Variants in FRMD4A observed in about 807,000 individuals in gnomAD.
FRMD4A encodes the protein FERM domain-containing protein 4A.
In FRMD4A, 29 loss-of-function variants were observed where a neutral mutation model predicts 129.1. The observed-to-expected ratio is 0.22, with a 90% CI of 0.17 to 0.31. The LOEUF (loss-of-function observed/expected upper bound fraction) is 0.31, where lower values mean the gene tolerates loss of function less well. FRMD4A is among the 10% of genes least tolerant of loss of function. The pLI is 1.00. For synonymous variants in FRMD4A, 634 were observed against 571.6 expected, an observed-to-expected ratio of 1.11 and a Z score of -1.56; for missense variants, 1,272 against 1,375.8, an observed-to-expected ratio of 0.92 and a Z score of 1.19.
At position 13,656,514 on chromosome 10, in the gene FRMD4A, A is replaced by T. The variant is rs536326672; in HGVS notation, c.2953+122T>A. The stretch of plus-strand genomic sequence containing the variant: ...TCTAACAGCAGCGTTCCCAGAATTA[A>T]TTAATGATTCCCGTTCCTCACTGCA... On this transcript the variant is annotated intron_variant, in intron 22 of 24. Transcript: ENST00000357447. The T allele has an allele frequency of 1.6e-5, 19 of 1,164,114 alleles. No individual in the cohort carries two copies. The South Asian group carries it at 6.3e-4, about 38-fold the overall frequency. 72.1% of individuals were successfully genotyped at this position (1,164,114 alleles called of 1,614,324 possible). A position where few individuals can be genotyped will look rare whatever the true frequency, so the allele number is the denominator to read the frequency against.
intron 2 of FRMD4A, among the ~76,000 whole-genome samples, chr10:14,200,554 G>A (rs578118817): frequency 6.6e-6 from 1 of 152,320 alleles, no homozygotes; most frequent in South Asian, 2.1e-4. Context: ...AAAGGAAAGA[G>A]AGCTACAGAC....
At chr10:13,713,567 C>G (rs1051983791) in intron 12 of FRMD4A, among the ~76,000 whole-genome samples, 1 of 151,738 alleles carries the variant, frequency 6.6e-6, no homozygotes, top group Non-Finnish European at 1.5e-5. Context: ...TCAGCAAATA[C>G]AAATGAGTTG....
chr10:14,098,742 T>A (rs1310151951), intron 2 of FRMD4A, among the ~76,000 whole-genome samples: 1 of 152,138 alleles, frequency 6.6e-6, no homozygotes, highest in Non-Finnish European at 1.5e-5. Context: ...CAATCTAGTC[T>A]CTTACCCTAG....
At chr10:14,010,374 A>G (rs1344250831) in intron 2 of FRMD4A, among the ~76,000 whole-genome samples, 2 of 152,218 alleles carry the variant, frequency 1.3e-5, no homozygotes, top group Non-Finnish European at 2.9e-5. Context: ...TACATATAGA[A>G]GAGAATGTTA....
At chr10:14,090,718 G>T (rs923441456) in intron 2 of FRMD4A, among the ~76,000 whole-genome samples, 6 of 152,180 alleles carry the variant, frequency 3.9e-5, no homozygotes, top group African/African-American at 1.4e-4. Flanking sequence ...ATACTTCCTA[G>T]CATGGGTTCA....
chr10:14,195,822 A>G (rs983547142), intron 2 of FRMD4A, among the ~76,000 whole-genome samples: 2 of 152,182 alleles, frequency 1.3e-5, no homozygotes, highest in Non-Finnish European at 2.9e-5. Context: ...CAGCTCAGGA[A>G]AGGTTATAGA....
intron 2 of FRMD4A, chr10:14,007,672 A>T (rs188051071): frequency 1.8e-5 from 3 of 167,398 alleles, no homozygotes; most frequent in African/African-American, 7.1e-5. Flanking sequence ...CAGTAGAAGA[A>T]ATTCACAGCC....
At chr10:13,705,577 C>T (rs966326340) in intron 13 of FRMD4A, among the ~76,000 whole-genome samples, 2 of 152,108 alleles carry the variant, frequency 1.3e-5, no homozygotes, top group African/African-American at 4.8e-5. Context: ...AATTTCCCCT[C>T]TCTTACATGC....
intron 2 of FRMD4A, among the ~76,000 whole-genome samples, chr10:14,027,077 C>T (rs1334993808): frequency 6.6e-6 from 1 of 152,242 alleles, no homozygotes; most frequent in African/African-American, 2.4e-5. Flanking sequence ...TCCATCCCCT[C>T]AAGCATTTAT....
intron 2 of FRMD4A, among the ~76,000 whole-genome samples, chr10:14,100,878 T>C (rs1259708323): frequency 2.6e-5 from 4 of 152,178 alleles, no homozygotes; most frequent in Non-Finnish European, 4.4e-5. Flanking sequence ...ACTAGAAGTT[T>C]TGAGTGTTAG....
At chr10:14,010,388 G>A (rs528890471) in intron 2 of FRMD4A, among the ~76,000 whole-genome samples, 109 of 152,238 alleles carry the variant, frequency 7.2e-4, no homozygotes, top group Admixed American at 1.3e-3. Flanking sequence ...AATGTTAATG[G>A]TAACAAAAAT....
intron 12 of FRMD4A, among the ~76,000 whole-genome samples, chr10:13,730,675 G>A (rs1207179828): frequency 6.6e-6 from 1 of 151,928 alleles, no homozygotes; most frequent in Admixed American, 6.6e-5. Flanking sequence ...TGCTAAAATG[G>A]AATGTGGTAA....
At chr10:13,683,687 C>T (rs901928605) in intron 15 of FRMD4A, among the ~76,000 whole-genome samples, 4 of 151,038 alleles carry the variant, frequency 2.6e-5, no homozygotes, top group Non-Finnish European at 5.9e-5. Flanking sequence ...GGGTAATTAA[C>T]GTGAATTGTA....
chr10:13,959,296 ACC>A (rs2095430743), intron 2 of FRMD4A, among the ~76,000 whole-genome samples: 1 of 151,800 alleles, frequency 6.6e-6, no homozygotes, highest in Non-Finnish European at 1.5e-5. Context: ...ATATGGTGAA[ACC>A]CTATCTCTAC....
At chr10:14,174,992 G>T (rs1223817982) in intron 2 of FRMD4A, among the ~76,000 whole-genome samples, 1 of 151,814 alleles carries the variant, frequency 6.6e-6, no homozygotes, top group Admixed American at 6.6e-5. Flanking sequence ...AGCATTGCTG[G>T]TCACTTGGAA....
At chr10:13,892,426 T>C (rs1026963445) in intron 2 of FRMD4A, among the ~76,000 whole-genome samples, 27 of 152,118 alleles carry the variant, frequency 1.8e-4, no homozygotes, top group Admixed American at 3.3e-4. Flanking sequence ...GAGACTTCCA[T>C]TGCGAGAGAC....
chr10:14,040,258 A>G (rs112765899), intron 2 of FRMD4A, among the ~76,000 whole-genome samples: 52 of 152,096 alleles, frequency 3.4e-4, no homozygotes, highest in African/African-American at 1.2e-3. Flanking sequence ...AATTTTTGTG[A>G]ACAGTCACTT....
At chr10:14,260,493 A>G (rs560212786) in intron 2 of FRMD4A, among the ~76,000 whole-genome samples, 1 of 152,350 alleles carries the variant, frequency 6.6e-6, no homozygotes, top group East Asian at 1.9e-4. Context: ...TCAAAGGCAT[A>G]TAAGTCATCC....
At chr10:14,243,738 T>C (rs1168595098) in intron 2 of FRMD4A, among the ~76,000 whole-genome samples, 1 of 152,028 alleles carries the variant, frequency 6.6e-6, no homozygotes, top group Non-Finnish European at 1.5e-5. Context: ...GAGATGGTGG[T>C]TGCACAACTA....
Sources: gnomAD v4.1 joint callset for allele counts (sites outside exome capture counted in the v4.1 genomes callset) on GRCh38, gnomAD v4.1.1 for gene constraint, MANE v1.5 for transcripts, NCBI Gene and HGNC (gene_info 2026-07-23, HGNC 2026-07-21) for gene names.